Variants in DPP6 observed in about 807,000 individuals in gnomAD.
DPP6 encodes the protein dipeptidyl peptidase like 6.
A neutral mutation model predicts 122.6 loss-of-function variants in DPP6; 69 were observed. That is an observed-to-expected ratio of 0.56 (90% CI 0.46 to 0.69). The LOEUF (loss-of-function observed/expected upper bound fraction) is 0.69. DPP6 is among the 30% of genes least tolerant of loss of function. DPP6 has a pLI of 0.00. For synonymous variants in DPP6, 418 were observed against 433.1 expected (o/e 0.97, Z 0.43); for missense variants, 928 against 1,116.9 (o/e 0.83, Z 2.41).
chr7:154,176,265 C>T (rs1376444607), intron 1 of DPP6, among the ~76,000 whole-genome samples: 1 of 152,164 alleles, frequency 6.6e-6, no homozygotes, highest in Non-Finnish European at 1.5e-5. Context: ...CTGTGGACCA[C>T]TGCATATTTC....
At position 154,893,451 on chromosome 7, in the gene DPP6, T is replaced by TAAAAAAAACAAAAAAAAAAAAAAAA. The variant is rs775016101; in HGVS notation, c.*971_*972insAAAAAAAACAAAAAAAAAAAAAAAA. 1 of 61,336 alleles carries TAAAAAAAACAAAAAAAAAAAAAAAA rather than the reference T, an allele frequency of 1.6e-5. No individual in the cohort carries two copies. The highest frequency in any genetic ancestry group is 5.0e-5 in the African/African-American group (1 of 19,888). 3.8% of individuals were successfully genotyped at this position (61,336 alleles called of 1,614,324 possible). A position where few individuals can be genotyped will look rare whatever the true frequency, so the allele number is the denominator to read the frequency against. On this transcript the variant is annotated 3_prime_UTR_variant, in exon 26 of 26. Transcript: ENST00000377770. ...CAAGCTCTTTCCCATGACATTTGGTTTAAAAAAAAAAAAAAAAAAAAAAAA... is the reference window on the plus strand; with the variant it reads ...CAAGCTCTTTCCCATGACATTTGGTTAAAAAAAACAAAAAAAAAAAAAAAATAAAAAAAAAAAAAAAAAAAAAAAA...
intron 1 of DPP6, among the ~76,000 whole-genome samples, chr7:154,144,829 G>A (rs1205525477): frequency 6.6e-6 from 1 of 151,428 alleles, no homozygotes; most frequent in East Asian, 1.9e-4. Flanking sequence ...TGAAGACATG[G>A]TGAGGAGAAG....
At chr7:154,402,906 T>G (rs1815761861) in intron 1 of DPP6, among the ~76,000 whole-genome samples, 1 of 152,174 alleles carries the variant, frequency 6.6e-6, no homozygotes, top group South Asian at 2.1e-4. Flanking sequence ...AGAAAAGATT[T>G]GCATGTGACA....
At chr7:153,898,000 A>G (rs1233566159) in intron 1 of DPP6, among the ~76,000 whole-genome samples, 1 of 152,252 alleles carries the variant, frequency 6.6e-6, no homozygotes, top group Non-Finnish European at 1.5e-5. Flanking sequence ...TACCAAGGCA[A>G]ATACCTGGAG....
chr7:154,617,809 G>C (rs1182541320), intron 5 of DPP6, among the ~76,000 whole-genome samples: 3 of 152,340 alleles, frequency 2.0e-5, no homozygotes, highest in African/African-American at 7.2e-5. Flanking sequence ...CAGGCCAATG[G>C]AAAACAAGTT....
intron 1 of DPP6, chr7:154,093,598 C>CCCCACACACACCATACACACACA (rs1805053852): frequency 1.5e-5 from 2 of 135,026 alleles, no homozygotes; most frequent in East Asian, 2.7e-4. Flanking sequence ...ACACCATACC[C>CCCCACACACACCATACACACACA]CACACACACA....
At chr7:154,001,820 C>T (rs1033479859) in intron 1 of DPP6, among the ~76,000 whole-genome samples, 4 of 152,212 alleles carry the variant, frequency 2.6e-5, no homozygotes, top group East Asian at 1.9e-4. Context: ...AGGCAATCCA[C>T]GTGATTTCCT....
intron 8 of DPP6, among the ~76,000 whole-genome samples, chr7:154,730,843 A>G (rs1315383664): frequency 2.0e-5 from 3 of 152,240 alleles, no homozygotes; most frequent in Non-Finnish European, 4.4e-5. Flanking sequence ...CTTTTTTAGT[A>G]TCTTCTTAAT....
At position 154,604,119 on chromosome 7, in the gene DPP6, T is replaced by C. The variant is rs1314449715; in HGVS notation, c.628-33702T>C. ...CATTTTGTTTGGGTCCATAATCTTT[T>C]CAGAATGTATTTTTATTTATACTCT... On this transcript the variant is annotated intron_variant, in intron 5 of 25. Transcript: ENST00000377770. Among the ~76,000 whole-genome samples, 2 of 121,462 alleles carry C rather than the reference T, an allele frequency of 1.6e-5. 1 individual carries two copies. The highest frequency in any genetic ancestry group is 5.2e-5 in the African/African-American group (2 of 38,200). The allele number at this position is 121,462 out of a possible 152,430, so 79.7% of individuals were successfully genotyped here.
At chr7:154,102,563 C>T in intron 1 of DPP6, among the ~76,000 whole-genome samples, 1 of 152,156 alleles carries the variant, frequency 6.6e-6, no homozygotes, top group Admixed American at 6.5e-5. Flanking sequence ...CTTCATTCTT[C>T]CATGTGCGTT....
At position 154,875,455 on chromosome 7, in the gene DPP6, G is replaced by A. The variant is rs1165590586; in HGVS notation, c.1884-451G>A. On this transcript the variant is annotated intron_variant, in intron 19 of 25. Coordinates refer to ENST00000377770, the MANE Select transcript of DPP6 (RefSeq NM_130797.4). The surrounding 1 kb of genome is among the most constrained non-coding windows in gnomAD (Gnocchi z 4.5). ...TCCGACTTAACAAGAGACAGACCACGTCTTCAAGCCAGGGATGTGGCTAGA... is the reference window on the plus strand; with the variant it reads ...TCCGACTTAACAAGAGACAGACCACATCTTCAAGCCAGGGATGTGGCTAGA... Among the ~76,000 whole-genome samples the A allele has an allele frequency of 6.6e-6, 1 of 152,202 alleles. No individual in the cohort carries two copies. Among genetic ancestry groups the A allele is most frequent in the Admixed American group, 6.5e-5 (1 of 15,288 alleles).
At chr7:153,964,796 C>T in intron 1 of DPP6, among the ~76,000 whole-genome samples, 2 of 53,578 alleles carry the variant, frequency 3.7e-5, no homozygotes, top group Non-Finnish European at 6.4e-5. Flanking sequence ...CCTTTCCTTT[C>T]CTTTCCTTTC....
chr7:154,656,614 G>A (rs1332601811), intron 6 of DPP6, among the ~76,000 whole-genome samples: 1 of 152,190 alleles, frequency 6.6e-6, no homozygotes, highest in Non-Finnish European at 1.5e-5. Context: ...CAGGAGAGAA[G>A]GTCAGAAAGT....
chr7:154,874,164 GCCT>G (rs1804658318), intron 19 of DPP6, among the ~76,000 whole-genome samples: 2 of 152,018 alleles, frequency 1.3e-5, no homozygotes, highest in African/African-American at 2.4e-5. Flanking sequence ...CACGTTTCCT[GCCT>G]CCTTTCTCTT....
At chr7:154,409,458 G>A (rs1816410528) in intron 1 of DPP6, among the ~76,000 whole-genome samples, 1 of 152,106 alleles carries the variant, frequency 6.6e-6, no homozygotes, top group African/African-American at 2.4e-5. Context: ...CCAAGTCTGT[G>A]GAATTTATTA....
At chr7:153,801,674 AAAAAG>A in the DPP6 span, among the ~76,000 whole-genome samples, 2 of 152,172 alleles carry the variant, frequency 1.3e-5, no homozygotes, top group African/African-American at 2.4e-5. Context: ...AGAAGAAAGA[AAAAAG>A]AAATTGCAAG....
intron 8 of DPP6, among the ~76,000 whole-genome samples, chr7:154,753,132 C>A (rs952480222): frequency 2.6e-5 from 4 of 152,154 alleles, no homozygotes; most frequent in South Asian, 2.1e-4. Flanking sequence ...TTGCCTCCTG[C>A]GGTCCTGCCC....
At chr7:154,298,478 AC>A (rs900519757) in intron 1 of DPP6, among the ~76,000 whole-genome samples, 3 of 152,000 alleles carry the variant, frequency 2.0e-5, no homozygotes, top group Non-Finnish European at 4.4e-5. Flanking sequence ...CTCTTATTGC[AC>A]CTCCACATTC....
chr7:154,747,160 G>A (rs115530088), intron 8 of DPP6, among the ~76,000 whole-genome samples: 246 of 152,316 alleles, frequency 1.6e-3, no homozygotes, highest in African/African-American at 5.4e-3. Context: ...AGTCTGCTCC[G>A]TTTAAGGGAA....
Sources: allele counts gnomAD v4.1 joint callset (sites outside exome capture counted in the v4.1 genomes callset), GRCh38; gene constraint gnomAD v4.1.1; non-coding constraint Gnocchi (gnomAD v3.1); transcripts MANE v1.5; gene names NCBI Gene and HGNC (gene_info 2026-07-23, HGNC 2026-07-21).